Variants in TUBB8B observed in about 807,000 individuals in gnomAD.
The protein encoded by TUBB8B is tubulin beta 8B.
TUBB8B carries 26 observed loss-of-function variants against 31.9 expected under a neutral mutation model. The ratio of observed to expected loss-of-function variants is 0.81; its 90% confidence interval spans 0.60 to 1.13. TUBB8B has a LOEUF of 1.13. Among genes scored for constraint, TUBB8B ranks in the 50% most tolerant of loss-of-function variants. The pLI, the probability that TUBB8B is intolerant of heterozygous loss-of-function variation, is 0.00. For synonymous variants in TUBB8B, 173 were observed against 231.0 expected, an observed-to-expected ratio of 0.75 and a Z score of 2.28; for missense variants, 467 against 586.7, an observed-to-expected ratio of 0.80 and a Z score of 2.11.
the TUBB8B span, among the ~76,000 whole-genome samples, chr18:71,676 G>C: frequency 6.7e-6 from 1 of 150,226 alleles, no homozygotes; most frequent in South Asian, 2.1e-4. Flanking sequence ...TTGAGGTCGG[G>C]AGTTCGAGAC....
At chr18:56,427 A>C in the TUBB8B span, among the ~76,000 whole-genome samples, 1 of 151,808 alleles carries the variant, frequency 6.6e-6, no homozygotes, top group Non-Finnish European at 1.5e-5. Flanking sequence ...GACATTTTTT[A>C]AAATACTGAT....
At chr18:48,810 C>G (rs1238145381) in intron 3 of TUBB8B, 130 bp downstream of exon 3, 3 of 757,624 alleles carry the variant, frequency 4.0e-6, no homozygotes, top group African/African-American at 1.7e-5. Context: ...GATGAAGCGA[C>G]TCGACTCGGC....
chr18:65,968 C>T, the TUBB8B span, among the ~76,000 whole-genome samples: 1 of 152,124 alleles, frequency 6.6e-6, no homozygotes, highest in Non-Finnish European at 1.5e-5. Flanking sequence ...GTGGCTTACA[C>T]CTGTAATACC....
At chr18:52,951 A>C (rs771379527), upstream of TUBB8B, among the ~76,000 whole-genome samples, 49 of 151,830 alleles carry the variant, frequency 3.2e-4, 3 homozygotes, top group Non-Finnish European at 5.4e-4. Context: ...TCGTTTTAAC[A>C]ATGACAATTA....
chr18:54,452 G>T (rs567494584), upstream of TUBB8B, among the ~76,000 whole-genome samples: 24 of 151,692 alleles, frequency 1.6e-4, no homozygotes, highest in African/African-American at 4.8e-4. Flanking sequence ...TAATCACCCT[G>T]TTGTGCTATC....
the TUBB8B span, among the ~76,000 whole-genome samples, chr18:65,228 G>A: frequency 6.6e-6 from 1 of 151,960 alleles, no homozygotes; most frequent in Non-Finnish European, 1.5e-5. Context: ...TTGAACCTGG[G>A]AGCCAGAGGT....
At chr18:55,966 G>C in the TUBB8B span, among the ~76,000 whole-genome samples, 1 of 151,720 alleles carries the variant, frequency 6.6e-6, no homozygotes, top group East Asian at 1.9e-4. Context: ...ATAGTTTGAG[G>C]TGTTAGGTTT....
chr18:64,824 C>T, the TUBB8B span, among the ~76,000 whole-genome samples: 2 of 152,084 alleles, frequency 1.3e-5, no homozygotes, highest in Admixed American at 6.6e-5. Context: ...CTCTTCCCCG[C>T]AATTCCTCAG....
At chr18:53,442 G>A (rs1906186949), upstream of TUBB8B, among the ~76,000 whole-genome samples, 2 of 151,660 alleles carry the variant, frequency 1.3e-5, no homozygotes, top group African/African-American at 2.4e-5. Flanking sequence ...ATTTTGTCTG[G>A]AACACAATGA....
Position 49,149 on chromosome 18 carries a change from A to G in TUBB8B, c.146T>C (p.Val49Ala). 7.2e-6 allele frequency: 11 copies of G among 1,525,794 alleles called. No individual in the cohort carries two copies. Among genetic ancestry groups the G allele is most frequent in the Non-Finnish European group, 9.7e-6 (11 of 1,132,062 alleles). 94.5% of individuals were successfully genotyped at this position (1,525,794 alleles called of 1,614,324 possible). A position where few individuals can be genotyped will look rare whatever the true frequency, so the allele number is the denominator to read the frequency against. ...CGCACCGCTGGCCTCGTGGTGGTGCACGTTGATGCGCTCCAGCTGCAGGTG... is the reference window on the plus strand; with the variant it reads ...CGCACCGCTGGCCTCGTGGTGGTGCGCGTTGATGCGCTCCAGCTGCAGGTG... The part of the protein sequence containing the change: ...DSHLQLERIN[V>A]HHHEASGGRY... The change falls in exon 2 of 4, where the codon GTG (valine) becomes GCG (alanine). Residue 49 changes from valine to alanine, a missense_variant. Coordinates refer to ENST00000308911, the MANE Select transcript of TUBB8B (RefSeq NM_001358689.2).
chr18:69,084 A>G, the TUBB8B span, among the ~76,000 whole-genome samples: 1 of 152,234 alleles, frequency 6.6e-6, no homozygotes, highest in Non-Finnish European at 1.5e-5. Flanking sequence ...TTTGTAGATC[A>G]AGGAAATAAT....
At chr18:67,121 A>G in the TUBB8B span, among the ~76,000 whole-genome samples, 1,204 of 151,428 alleles carry the variant, frequency 8.0e-3, 7 homozygotes, top group African/African-American at 0.027. Context: ...TCAGCCTCCC[A>G]AGTAGCTAGG....
chr18:49,576 G>C lies in TUBB8B; in HGVS notation c.-19C>G, dbSNP rs773814567. On this transcript the variant is annotated 5_prime_UTR_variant, in exon 1 of 4. Transcript: ENST00000308911. ...CCCTCATGGCCAAGGCAGGATTAGGGCGGCAGCAGAAGCGCGAGAAGGAGG... is the reference window on the plus strand; with the variant it reads ...CCCTCATGGCCAAGGCAGGATTAGGCCGGCAGCAGAAGCGCGAGAAGGAGG... 1 of 808,240 alleles carries C rather than the reference G, an allele frequency of 1.2e-6. No homozygotes were observed. The highest frequency in any genetic ancestry group is 1.6e-5 in the South Asian group (1 of 62,358). The allele number at this position is 808,240 out of a possible 1,614,324, so 50.1% of individuals were successfully genotyped here. A position where few individuals can be genotyped will look rare whatever the true frequency, so the allele number is the denominator to read the frequency against.
the TUBB8B span, among the ~76,000 whole-genome samples, chr18:72,196 A>AAAAAAAAACAAC: frequency 1.1e-4 from 9 of 84,532 alleles, no homozygotes; most frequent in African/African-American, 2.0e-4. Flanking sequence ...AAAAAAAAAA[A>AAAAAAAAACAAC]AAAGGAAAAA....
At chr18:61,602 G>A in the TUBB8B span, among the ~76,000 whole-genome samples, 1 of 149,906 alleles carries the variant, frequency 6.7e-6, no homozygotes, top group Non-Finnish European at 1.5e-5. Flanking sequence ...TTTACTTTTT[G>A]TACATCTGTG....
At chr18:48,774 T>TA (rs960301424) in intron 3 of TUBB8B, 166 bp downstream of exon 3, 9 of 714,046 alleles carry the variant, frequency 1.3e-5, no homozygotes, top group Non-Finnish European at 2.3e-5. Context: ...ACCGGGGCCT[T>TA]CCTCCCGAAG....
At chr18:50,783 GC>G (rs1441791093), upstream of TUBB8B, among the ~76,000 whole-genome samples, 2 of 152,028 alleles carry the variant, frequency 1.3e-5, no homozygotes, top group African/African-American at 4.8e-5. Flanking sequence ...AGCTTCATTG[GC>G]CCTTTCAGTG....
upstream of TUBB8B, among the ~76,000 whole-genome samples, chr18:52,278 G>A (rs998355265): frequency 6.6e-6 from 1 of 151,822 alleles, no homozygotes; most frequent in African/African-American, 2.4e-5. Context: ...CAGCCTCCAG[G>A]CTACTGCAAA....
the TUBB8B span, among the ~76,000 whole-genome samples, chr18:67,727 G>A: frequency 4.3e-4 from 66 of 152,130 alleles, 2 homozygotes; most frequent in East Asian, 0.012. Flanking sequence ...TATCATACTG[G>A]TATAACATAT....
Sources: allele counts gnomAD v4.1 joint callset (sites outside exome capture counted in the v4.1 genomes callset), GRCh38; gene constraint gnomAD v4.1.1; transcripts MANE v1.5; gene names NCBI Gene and HGNC (gene_info 2026-07-23, HGNC 2026-07-21).